TRHDE: variants seen among roughly 807,000 people sequenced by gnomAD.
TRHDE encodes the protein thyrotropin releasing hormone degrading enzyme.
In TRHDE, 72 loss-of-function variants were observed where a neutral mutation model predicts 125.7. That is an observed-to-expected ratio of 0.57 (90% confidence interval 0.47 to 0.70). TRHDE has a LOEUF of 0.70. TRHDE is among the 30% of genes least tolerant of loss of function. The probability of loss-of-function intolerance (pLI) is 0.00; values close to 1 mark genes in which losing one functional copy is unlikely to be tolerated. For synonymous variants in TRHDE, 509 were observed against 509.1 expected, an observed-to-expected ratio of 1.00 and a Z score of 0.00; for missense variants, 1,110 against 1,327.1, an observed-to-expected ratio of 0.84 and a Z score of 2.54.
intron 2 of TRHDE, among the ~76,000 whole-genome samples, chr12:72,362,453 C>T (rs1217389614): frequency 6.6e-6 from 1 of 151,834 alleles, no homozygotes; most frequent in Admixed American, 6.6e-5. Context: ...ATTGTAGATT[C>T]TGGATACTAG....
At chr12:72,241,112 G>T (rs1260329954) in intron 2 of TRHDE, among the ~76,000 whole-genome samples, 1 of 151,886 alleles carries the variant, frequency 6.6e-6, no homozygotes, top group African/African-American at 2.4e-5. Context: ...ATCCAACCCT[G>T]CACCCCACTC....
chr12:72,522,520 C>T (rs1392828719), intron 6 of TRHDE, among the ~76,000 whole-genome samples: 1 of 152,110 alleles, frequency 6.6e-6, no homozygotes, highest in Non-Finnish European at 1.5e-5. Context: ...CTAATTGCTT[C>T]AGATTACTAA....
At chr12:72,193,065 A>G (rs1877370935) in intron 2 of TRHDE, among the ~76,000 whole-genome samples, 1 of 152,064 alleles carries the variant, frequency 6.6e-6, no homozygotes, top group African/African-American at 2.4e-5. Context: ...GTAATTGGAA[A>G]TTGTCTCATT....
intron 3 of TRHDE, among the ~76,000 whole-genome samples, chr12:72,445,166 AT>A (rs919106639): frequency 1.5e-4 from 23 of 149,678 alleles, no homozygotes; most frequent in Non-Finnish European, 2.1e-4. Context: ...CTCAGTTGGG[AT>A]TTTTTTTTTC....
intron 2 of TRHDE, among the ~76,000 whole-genome samples, chr12:72,360,271 T>A (rs959498994): frequency 1.3e-5 from 2 of 151,814 alleles, no homozygotes; most frequent in Non-Finnish European, 2.9e-5. Flanking sequence ...AAATTCTATT[T>A]GATCAAGGCC....
chr12:72,424,827 A>G (rs996824971), intron 3 of TRHDE, among the ~76,000 whole-genome samples: 4 of 152,180 alleles, frequency 2.6e-5, no homozygotes, highest in Non-Finnish European at 5.9e-5. Context: ...AACACCCAAT[A>G]TTCATTTAAT....
chr12:72,406,795 C>T (rs1429380665), intron 3 of TRHDE, among the ~76,000 whole-genome samples: 1 of 152,138 alleles, frequency 6.6e-6, no homozygotes, highest in Non-Finnish European at 1.5e-5. Flanking sequence ...AAAATAGATA[C>T]TAGCCTTCTC....
chr12:72,528,816 C>T (rs1868399683), intron 6 of TRHDE, among the ~76,000 whole-genome samples: 1 of 152,054 alleles, frequency 6.6e-6, no homozygotes, highest in South Asian at 2.1e-4. Flanking sequence ...TAGTTTTACT[C>T]ATTCAATGCT....
intron 12 of TRHDE, among the ~76,000 whole-genome samples, chr12:72,613,985 G>A (rs527255824): frequency 6.6e-6 from 1 of 152,226 alleles, no homozygotes; most frequent in African/African-American, 2.4e-5. Flanking sequence ...ATGGTTGAAA[G>A]CGAAGTAGGA....
At chr12:72,550,484 C>G (rs1869624181) in intron 7 of TRHDE, among the ~76,000 whole-genome samples, 1 of 151,738 alleles carries the variant, frequency 6.6e-6, no homozygotes, top group Non-Finnish European at 1.5e-5. Flanking sequence ...TAGCCTAGAA[C>G]TATATATTTG....
chr12:72,256,771 C>G (rs1488422624), intron 2 of TRHDE: 38 of 152,146 alleles, frequency 2.5e-4, no homozygotes, highest in Admixed American at 2.5e-3. Context: ...CTGTGGTACA[C>G]AGAATATCTA....
intron 12 of TRHDE, among the ~76,000 whole-genome samples, chr12:72,587,171 G>T (rs1871475842): frequency 6.6e-6 from 1 of 152,134 alleles, no homozygotes; most frequent in Non-Finnish European, 1.5e-5. Flanking sequence ...TAGTTACTGT[G>T]CAGAGCAATT....
At chr12:72,102,525 T>C (rs769058789) in intron 1 of TRHDE, among the ~76,000 whole-genome samples, 1 of 152,152 alleles carries the variant, frequency 6.6e-6, no homozygotes, top group Non-Finnish European at 1.5e-5. Context: ...TAACCCTAAA[T>C]TTGGTTATTT....
At chr12:72,146,517 A>C (rs1476156712) in intron 2 of TRHDE, among the ~76,000 whole-genome samples, 1 of 152,234 alleles carries the variant, frequency 6.6e-6, no homozygotes, top group East Asian at 1.9e-4. Flanking sequence ...ATGGGTCAGA[A>C]AAGAGTGGTG....
Position 72,624,637 on chromosome 12 carries a change from G to C in TRHDE, c.2675+2886G>C, listed in dbSNP as rs1462387525. Among the ~76,000 whole-genome samples, 3 of 151,886 alleles carry C rather than the reference G, an allele frequency of 2.0e-5. No individual in the cohort carries two copies. The East Asian group carries it at 5.8e-4, about 29-fold the overall frequency. On this transcript the variant is annotated intron_variant, in intron 15 of 18. Transcript: ENST00000261180. Reference sequence around the variant, plus strand: ...TAGCTAGAGATGGTAGCAGCAGAAAGAAAAATTCACGAGTTACAGTGGATG... The same window carrying C: ...TAGCTAGAGATGGTAGCAGCAGAAACAAAAATTCACGAGTTACAGTGGATG...
At chr12:72,155,212 A>G (rs1362460728) in intron 2 of TRHDE, among the ~76,000 whole-genome samples, 3 of 151,966 alleles carry the variant, frequency 2.0e-5, no homozygotes, top group Non-Finnish European at 4.4e-5. Context: ...TGCATTCATC[A>G]TGTAGTTCTT....
In TRHDE at chr12:72,560,682, G is replaced by A. The variant is rs933878743; in HGVS notation, c.1789-1483G>A. On this transcript the variant is annotated intron_variant, in intron 7 of 18. Coordinates refer to ENST00000261180, the MANE Select transcript of TRHDE (RefSeq NM_013381.3). ...ACAAAAAATTAAAAAAAAACAGCTG[G>A]ATGTGGTGGTGTGTGCACCTGCAGT... 2.6e-5 allele frequency: 4 copies of A among 152,110 alleles called. No individual in the cohort carries two copies. In the East Asian group the frequency reaches 7.8e-4, roughly 30 times the overall value. 9.4% of individuals were successfully genotyped at this position (152,110 alleles called of 1,614,324 possible).
At chr12:72,467,412 G>T (rs1876432191) in intron 3 of TRHDE, among the ~76,000 whole-genome samples, 1 of 151,956 alleles carries the variant, frequency 6.6e-6, no homozygotes, top group South Asian at 2.1e-4. Flanking sequence ...TCAACTATTT[G>T]CTCATATTTC....
chr12:72,199,825 T>C (rs1343500949), intron 2 of TRHDE, among the ~76,000 whole-genome samples: 1 of 152,212 alleles, frequency 6.6e-6, no homozygotes, highest in Non-Finnish European at 1.5e-5. Flanking sequence ...GGTCTCTATA[T>C]ACCAGTGCAT....
Sources: gnomAD v4.1 joint callset for allele counts (sites outside exome capture counted in the v4.1 genomes callset) on GRCh38, gnomAD v4.1.1 for gene constraint, MANE v1.5 for transcripts, NCBI Gene and HGNC (gene_info 2026-07-23, HGNC 2026-07-21) for gene names.